Variants in ST7 observed in about 807,000 individuals in gnomAD.
ST7 encodes the protein suppression of tumorigenicity 7, also known as suppressor of tumorigenicity 7 protein.
Under a neutral mutation model 78.7 loss-of-function variants are expected in ST7, and 28 were observed. The ratio of observed to expected loss-of-function variants is 0.36; its 90% CI spans 0.26 to 0.49. The LOEUF (loss-of-function observed/expected upper bound fraction) is 0.49. Among genes scored for constraint, ST7 ranks in the 20% least tolerant of loss-of-function variants. The pLI is 0.99. For synonymous variants in ST7, 247 were observed against 249.6 expected (o/e 0.99, Z 0.10); for missense variants, 418 against 696.0 (o/e 0.60, Z 4.49).
At chr7:117,196,679 T>TATTTTCA (rs1810346505) in intron 12 of ST7, among the ~76,000 whole-genome samples, 1 of 54,172 alleles carries the variant, frequency 1.8e-5, no homozygotes, top group Non-Finnish European at 3.7e-5. Flanking sequence ...GTTGCTTATA[T>TATTTTCA]GTTTTCAATA....
intron 1 of ST7, among the ~76,000 whole-genome samples, chr7:116,977,483 G>A (rs1793756355): frequency 6.6e-6 from 1 of 152,220 alleles, no homozygotes; most frequent in African/African-American, 2.4e-5. Context: ...CTTCTGCCTT[G>A]TAAATATAAT....
chr7:117,149,092 G>T (rs555882372), intron 9 of ST7, among the ~76,000 whole-genome samples: 7 of 152,178 alleles, frequency 4.6e-5, no homozygotes, highest in African/African-American at 7.2e-5. Context: ...TTCCTGGACC[G>T]CTATCTCTAC....
At chr7:117,134,384 T>G (rs1011834687) in intron 7 of ST7, among the ~76,000 whole-genome samples, 192 bp downstream of exon 7, 3 of 152,028 alleles carry the variant, frequency 2.0e-5, no homozygotes, top group African/African-American at 7.2e-5. Flanking sequence ...TTAGCACTTC[T>G]ATTGCTCTCT....
intron 9 of ST7, among the ~76,000 whole-genome samples, chr7:117,152,535 T>A (rs948846419): frequency 1.3e-5 from 2 of 152,126 alleles, no homozygotes; most frequent in African/African-American, 4.8e-5. Context: ...CTGCCAGCCA[T>A]TCCTCCCACC....
chr7:117,109,660 A>G (rs974742946), intron 2 of ST7, among the ~76,000 whole-genome samples: 4 of 152,234 alleles, frequency 2.6e-5, no homozygotes, highest in Admixed American at 2.6e-4. Flanking sequence ...ATTCCAAAAA[A>G]TAAAGAAGGA....
At chr7:117,149,104 G>A (rs1215402099) in intron 9 of ST7, among the ~76,000 whole-genome samples, 3 of 152,100 alleles carry the variant, frequency 2.0e-5, no homozygotes, top group Non-Finnish European at 4.4e-5. Flanking sequence ...TATCTCTACT[G>A]CTTGTTAAGA....
chr7:117,201,942 C>G (rs1810898851), intron 12 of ST7, among the ~76,000 whole-genome samples: 1 of 151,328 alleles, frequency 6.6e-6, no homozygotes, highest in African/African-American at 2.4e-5. Flanking sequence ...CTGCCCTCTC[C>G]CTCCTTGCTC....
chr7:117,222,796 T>C (rs1273394384), intron 15 of ST7: 12 of 1,241,098 alleles, frequency 9.7e-6, no homozygotes, highest in Non-Finnish European at 1.4e-5. Flanking sequence ...CATTCAGATT[T>C]CAAGGCGAGT....
intron 1 of ST7, among the ~76,000 whole-genome samples, chr7:116,997,227 C>A (rs879108161): frequency 6.6e-6 from 1 of 152,116 alleles, no homozygotes; most frequent in African/African-American, 2.4e-5. Context: ...AGATTTATTG[C>A]AAAGAGCAAA....
intron 5 of ST7, 86 bp from the exon 6 acceptor site, chr7:117,131,799 C>A: frequency 1.7e-6 from 2 of 1,177,732 alleles, no homozygotes; most frequent in Non-Finnish European, 2.5e-6. Flanking sequence ...TTTAAGCTGA[C>A]ACTCCTAATT....
At chr7:117,012,537 T>G (rs1396647578) in intron 1 of ST7, among the ~76,000 whole-genome samples, 4 of 152,224 alleles carry the variant, frequency 2.6e-5, no homozygotes, top group Admixed American at 2.0e-4. Flanking sequence ...AAGTGCTATT[T>G]ACATATTAGC....
intron 3 of ST7, among the ~76,000 whole-genome samples, chr7:117,125,285 G>T (rs1347330734): frequency 6.6e-6 from 1 of 152,054 alleles, no homozygotes; most frequent in African/African-American, 2.4e-5. Context: ...GGTGAAAAAT[G>T]ACCAATGAGA....
intron 3 of ST7, among the ~76,000 whole-genome samples, chr7:117,122,919 C>T (rs138462488): frequency 2.7e-3 from 407 of 152,276 alleles, no homozygotes; most frequent in Non-Finnish European, 4.3e-3. Flanking sequence ...ATTTCATAGT[C>T]TCATTTCAAA....
chr7:117,126,787 CATT>C lies in ST7; in HGVS notation c.395-3002_395-3000del, dbSNP rs1803887252. 6.6e-5 allele frequency among the ~76,000 whole-genome samples: 10 copies of C among 151,994 alleles called. No individual in the cohort carries two copies. In the South Asian group the frequency reaches 1.9e-3, roughly 28 times the overall value. ...GAAGTACTTAGCTGTAGATAGTAAA[CATT>C]ATTCTTTAGGTTCTTTGTCTCTCAC... is the stretch of plus-strand genomic sequence containing the variant. On this transcript the variant is annotated intron_variant, in intron 3 of 15. Coordinates refer to ENST00000323984, the MANE Select transcript of ST7 (RefSeq NM_001369598.1).
intron 9 of ST7, among the ~76,000 whole-genome samples, chr7:117,141,645 TTTTC>T (rs1361834002): frequency 2.0e-5 from 3 of 151,998 alleles, no homozygotes; most frequent in South Asian, 2.1e-4. Flanking sequence ...CATGCTGGCT[TTTTC>T]TTTCTTTCTT....
At position 117,176,883 on chromosome 7, in the gene ST7, T is replaced by C. The variant is rs3808208; in HGVS notation, c.1078+5907T>C. Among the ~76,000 whole-genome samples the C allele has an allele frequency of 2.3e-3, 347 of 152,270 alleles. 4 individuals are homozygous for C. Among genetic ancestry groups the C allele is most frequent in the East Asian group, 0.011 (59 of 5,180 alleles). On this transcript the variant is annotated intron_variant, in intron 10 of 15. Transcript: ENST00000323984. ...ATTTGGCTGCATATTAGAAAGAAGA[T>C]TTGGTATGCTGTCAGTTTCTAGTGA...
At chr7:117,116,896 C>T (rs1802934545) in intron 2 of ST7, among the ~76,000 whole-genome samples, 1 of 152,126 alleles carries the variant, frequency 6.6e-6, no homozygotes, top group Non-Finnish European at 1.5e-5. Flanking sequence ...ATAATCTGGT[C>T]CCATTTGATA....
chr7:117,125,013 C>T (rs1803709844), intron 3 of ST7, among the ~76,000 whole-genome samples: 1 of 152,102 alleles, frequency 6.6e-6, no homozygotes, highest in Admixed American at 6.6e-5. Context: ...TGCTACATGT[C>T]AAGGACCTTT....
chr7:117,054,845 T>G (rs1797981895), intron 1 of ST7, among the ~76,000 whole-genome samples: 1 of 152,248 alleles, frequency 6.6e-6, no homozygotes, highest in Non-Finnish European at 1.5e-5. Flanking sequence ...TACATCCATC[T>G]CATGATATTT....
Sources: allele counts gnomAD v4.1 joint callset (sites outside exome capture counted in the v4.1 genomes callset), GRCh38; gene constraint gnomAD v4.1.1; transcripts MANE v1.5; gene names NCBI Gene and HGNC (gene_info 2026-07-23, HGNC 2026-07-21).